SLC5A7: variants seen among roughly 807,000 people sequenced by gnomAD.
SLC5A7 encodes high affinity choline transporter 1.
A neutral mutation model predicts 55.4 loss-of-function variants in SLC5A7; 19 were observed. The ratio of observed to expected loss-of-function variants is 0.34; its 90% CI spans 0.24 to 0.50. The LOEUF is 0.50. SLC5A7 is among the 20% of genes least tolerant of loss of function. The pLI is 0.98. For synonymous variants in SLC5A7, 265 were observed against 263.7 expected (o/e 1.00, Z -0.05); for missense variants, 506 against 705.3 (o/e 0.72, Z 3.20).
intron 4 of SLC5A7, among the ~76,000 whole-genome samples, chr2:107,997,434 T>C (rs1677710750): frequency 6.6e-6 from 1 of 152,198 alleles, no homozygotes. Context: ...AACAGTGAAA[T>C]CACCTAACAA....
At chr2:107,996,604 A>G (rs1236809484) in intron 4 of SLC5A7, among the ~76,000 whole-genome samples, 1 of 152,180 alleles carries the variant, frequency 6.6e-6, no homozygotes, top group African/African-American at 2.4e-5. Flanking sequence ...GTGACATGTA[A>G]ACTGTATAGT....
At chr2:107,999,407 ATATG>A (rs1318812146) in intron 5 of SLC5A7, among the ~76,000 whole-genome samples, 2 of 152,226 alleles carry the variant, frequency 1.3e-5, no homozygotes, top group Non-Finnish European at 2.9e-5. Flanking sequence ...TATTGATGAT[ATATG>A]TGATTTCTCA....
At chr2:107,993,593 CTG>C (rs1360484009) in intron 4 of SLC5A7, among the ~76,000 whole-genome samples, 2 of 152,136 alleles carry the variant, frequency 1.3e-5, no homozygotes. Flanking sequence ...TTCCTGCAAA[CTG>C]AGAACTTTTT....
chr2:108,001,159 A>C (rs1230066002), intron 5 of SLC5A7, among the ~76,000 whole-genome samples: 14 of 150,912 alleles, frequency 9.3e-5, no homozygotes. Context: ...TCCTCCCCCC[A>C]CCCACACACA....
In SLC5A7 at chr2:107,987,503, C is replaced by T. The variant is rs333237; in HGVS notation, c.-51-602C>T. Among the ~76,000 whole-genome samples, 1,339 of 152,238 alleles carry T rather than the reference C, an allele frequency of 8.8e-3. 22 individuals are homozygous for T. The highest frequency in any genetic ancestry group is 0.031 in the African/African-American group (1,296 of 41,530). ...TACTTAGTTGCTATAGTAACTTGAA[C>T]TACAGAAGCTTGTTGAAAATGTGGA... On this transcript the variant is annotated intron_variant, in intron 1 of 8. Coordinates refer to ENST00000264047, the MANE Select transcript of SLC5A7 (RefSeq NM_021815.5).
In SLC5A7 at chr2:108,011,423, T is replaced by G. The variant is rs913282198; in HGVS notation, c.*562T>G. ...ATTTGTTATTCTTTTATTAATGGCA[T>G]GTAATATTCTGAGCACGGGCAAAGA... On this transcript the variant is annotated 3_prime_UTR_variant, in exon 9 of 9. Transcript: ENST00000264047. The G allele has an allele frequency of 1.3e-5, 2 of 152,222 alleles. No individual in the cohort carries two copies. The highest frequency in any genetic ancestry group is 2.9e-5 in the Non-Finnish European group (2 of 68,048). 9.4% of individuals were successfully genotyped at this position (152,222 alleles called of 1,614,324 possible). A position where few individuals can be genotyped will look rare whatever the true frequency, so the allele number is the denominator to read the frequency against.
chr2:108,008,232 C>G (rs969856289), intron 7 of SLC5A7, among the ~76,000 whole-genome samples: 1 of 152,166 alleles, frequency 6.6e-6, no homozygotes, highest in Admixed American at 6.5e-5. Context: ...AAATATATAT[C>G]TTACCACCAG....
rs752998016 is a variant in SLC5A7 at position 108,012,831 on chromosome 2, T to G, written c.*1970T>G. On this transcript the variant is annotated 3_prime_UTR_variant, in exon 9 of 9. Transcript: ENST00000264047. ...TTCATTAAAGAAAAACCACAGATAC[T>G]GAAACATTTGACACATAAAAGTAAT... The G allele has an allele frequency of 3.9e-5, 6 of 152,114 alleles. No individual in the cohort carries two copies. Among genetic ancestry groups the G allele is most frequent in the East Asian group, 1.9e-4 (1 of 5,192 alleles). The allele number at this position is 152,114 out of a possible 1,614,324, so 9.4% of individuals were successfully genotyped here. A position where few individuals can be genotyped will look rare whatever the true frequency, so the allele number is the denominator to read the frequency against.
intron 5 of SLC5A7, among the ~76,000 whole-genome samples, chr2:108,000,875 C>T (rs898861779): frequency 1.3e-5 from 2 of 151,352 alleles, no homozygotes; most frequent in Non-Finnish European, 2.9e-5. Context: ...GATTACAGGC[C>T]TGAGCCACAG....
intron 7 of SLC5A7, among the ~76,000 whole-genome samples, chr2:108,006,950 A>G (rs1483289706): frequency 6.6e-6 from 1 of 152,188 alleles, no homozygotes; most frequent in Non-Finnish European, 1.5e-5. Flanking sequence ...AGACAAACAA[A>G]CAAAGTCACT....
intron 7 of SLC5A7, among the ~76,000 whole-genome samples, chr2:108,006,975 T>C (rs1250331165): frequency 1.3e-5 from 2 of 152,204 alleles, no homozygotes; most frequent in African/African-American, 4.8e-5. Flanking sequence ...GAATAACTTA[T>C]TAAAAAATGG....
At chr2:107,988,010 C>A in intron 1 of SLC5A7, 95 bp from the exon 2 acceptor site, 1 of 697,322 alleles carries the variant, frequency 1.4e-6, no homozygotes, top group Non-Finnish European at 2.3e-6. Context: ...CTGTGAGTGG[C>A]ACAGGATCTC....
At chr2:107,996,274 T>C (rs979962544) in intron 4 of SLC5A7, among the ~76,000 whole-genome samples, 1 of 152,196 alleles carries the variant, frequency 6.6e-6, no homozygotes, top group African/African-American at 2.4e-5. Context: ...ACTCAGTCAG[T>C]TATCTGAAGT....
intron 5 of SLC5A7, among the ~76,000 whole-genome samples, chr2:107,998,773 C>T (rs1677773989): frequency 6.6e-6 from 1 of 152,202 alleles, no homozygotes. Flanking sequence ...GCAATGCCCT[C>T]CTGCAAAGGC....
At chr2:108,006,021 C>T (rs1465515178) in intron 6 of SLC5A7, 28 bp from the exon 7 acceptor site, 9 of 1,611,970 alleles carry the variant, frequency 5.6e-6, no homozygotes, top group Non-Finnish European at 7.6e-6. Context: ...TAGATGTTTG[C>T]CTCTCCATCC....
In SLC5A7 at chr2:108,010,968, T is replaced by A; in HGVS notation, c.*107T>A. On this transcript the variant is annotated 3_prime_UTR_variant, in exon 9 of 9. Coordinates refer to ENST00000264047, the MANE Select transcript of SLC5A7 (RefSeq NM_021815.5). Reference sequence around the variant, plus strand: ...AATATATTAAAAATATAAACAATGTTCAGGAGAGTAAAAATTCATATAAAG... The same window carrying A: ...AATATATTAAAAATATAAACAATGTACAGGAGAGTAAAAATTCATATAAAG... 8.3e-7 allele frequency: 1 copy of A among 1,201,858 alleles called. No individual in the cohort carries two copies. 74.4% of individuals were successfully genotyped at this position (1,201,858 alleles called of 1,614,324 possible).
intron 6 of SLC5A7, among the ~76,000 whole-genome samples, chr2:108,005,365 T>C (rs1678068715): frequency 6.6e-6 from 1 of 152,234 alleles, no homozygotes; most frequent in Non-Finnish European, 1.5e-5. Context: ...AATGTCATAC[T>C]TTCAAAATCT....
At position 108,010,909 on chromosome 2, in the gene SLC5A7, G is replaced by A. The variant is rs1396783541; in HGVS notation, c.*48G>A. The A allele has an allele frequency of 6.7e-7, 1 of 1,498,386 alleles. No individual in the cohort carries two copies. Among genetic ancestry groups the A allele is most frequent in the Admixed American group, 2.3e-5 (1 of 44,422 alleles). The allele number at this position is 1,498,386 out of a possible 1,614,324, so 92.8% of individuals were successfully genotyped here. Reference sequence around the variant, plus strand: ...TTTTGCAAACAGAACACTGTAATAGGGTAGTTCTGGAGAGATGGTATGCAG... The same window carrying A: ...TTTTGCAAACAGAACACTGTAATAGAGTAGTTCTGGAGAGATGGTATGCAG... On this transcript the variant is annotated 3_prime_UTR_variant, in exon 9 of 9. Transcript: ENST00000264047.
At chr2:107,992,885 G>C in intron 3 of SLC5A7, 87 bp from the exon 4 acceptor site, 1 of 1,447,964 alleles carries the variant, frequency 6.9e-7, no homozygotes, top group African/African-American at 1.4e-5. Flanking sequence ...TCTGGAAAAT[G>C]CATTTTCCTT....
Sources: allele counts gnomAD v4.1 joint callset (sites outside exome capture counted in the v4.1 genomes callset), GRCh38; gene constraint gnomAD v4.1.1; transcripts MANE v1.5; gene names NCBI Gene and HGNC (gene_info 2026-07-23, HGNC 2026-07-21).